The following KHDRBS2 variants were observed in gnomAD, a reference collection of about 807,000 sequenced individuals.
The protein encoded by KHDRBS2 is KH RNA binding domain containing, signal transduction associated 2.
In KHDRBS2, 26 loss-of-function variants were observed where a neutral mutation model predicts 44.3. The ratio of observed to expected loss-of-function variants is 0.59; its 90% CI spans 0.43 to 0.81. The LOEUF (loss-of-function observed/expected upper bound fraction) is 0.81, where lower values mean the gene tolerates loss of function less well. Ranked by LOEUF, KHDRBS2 falls within the 40% of genes least tolerant of loss-of-function variation. The pLI, the probability that KHDRBS2 is intolerant of heterozygous loss-of-function variation, is 0.00. For synonymous variants in KHDRBS2, 194 were observed against 151.1 expected, an observed-to-expected ratio of 1.28 and a Z score of -2.08; for missense variants, 476 against 433.1, an observed-to-expected ratio of 1.10 and a Z score of -0.88.
At chr6:61,830,738 C>A (rs937670788) in intron 6 of KHDRBS2, among the ~76,000 whole-genome samples, 6 of 152,178 alleles carry the variant, frequency 3.9e-5, no homozygotes, top group African/African-American at 1.4e-4. Flanking sequence ...ACCATTCTAC[C>A]TTTGAGCCAA....
At chr6:61,562,040 C>A in the KHDRBS2 span, among the ~76,000 whole-genome samples, 5 of 152,264 alleles carry the variant, frequency 3.3e-5, no homozygotes, top group Admixed American at 6.5e-5. Context: ...GTTTAACCAA[C>A]TCTAGGAAAA....
At chr6:61,671,978 T>C in the KHDRBS2 span, among the ~76,000 whole-genome samples, 2 of 151,994 alleles carry the variant, frequency 1.3e-5, no homozygotes, top group East Asian at 3.9e-4. Flanking sequence ...GTATATCTCC[T>C]AATGCTATCC....
chr6:62,007,663 C>T (rs538751539), intron 3 of KHDRBS2, among the ~76,000 whole-genome samples: 117 of 148,916 alleles, frequency 7.9e-4, no homozygotes, highest in Non-Finnish European at 1.5e-3. Flanking sequence ...ATATACCACA[C>T]ATATGCCTCT....
At chr6:62,017,104 C>A (rs1781354239) in intron 3 of KHDRBS2, among the ~76,000 whole-genome samples, 1 of 151,842 alleles carries the variant, frequency 6.6e-6, no homozygotes, top group African/African-American at 2.4e-5. Flanking sequence ...ATGAACCAAA[C>A]AAACACAAAA....
chr6:61,935,568 A>G (rs964594938), intron 4 of KHDRBS2, among the ~76,000 whole-genome samples: 3 of 152,168 alleles, frequency 2.0e-5, no homozygotes, highest in Admixed American at 6.5e-5. Flanking sequence ...CTGAGGTTTT[A>G]CAATACTATC....
chr6:61,547,387 T>C, the KHDRBS2 span, among the ~76,000 whole-genome samples: 1 of 152,158 alleles, frequency 6.6e-6, no homozygotes, highest in African/African-American at 2.4e-5. Flanking sequence ...CCTCATTATC[T>C]TCCTTCAATA....
chr6:61,806,380 T>A (rs1446592108), intron 6 of KHDRBS2, among the ~76,000 whole-genome samples: 1 of 152,068 alleles, frequency 6.6e-6, no homozygotes, highest in African/African-American at 2.4e-5. Flanking sequence ...GTCCTGAGAA[T>A]ACATAAAAAT....
At chr6:62,061,714 T>C (rs1284406673) in intron 2 of KHDRBS2, among the ~76,000 whole-genome samples, 3 of 150,970 alleles carry the variant, frequency 2.0e-5, no homozygotes, top group East Asian at 2.0e-4. Flanking sequence ...AATCTGAACG[T>C]TGGCCTGCCT....
intron 3 of KHDRBS2, among the ~76,000 whole-genome samples, chr6:62,022,685 G>A (rs1329117368): frequency 6.6e-6 from 1 of 151,342 alleles, no homozygotes; most frequent in Non-Finnish European, 1.5e-5. Context: ...TCAGTTTTTA[G>A]TTTCAAACTT....
rs1379084574 is a variant in KHDRBS2, at chr6:61,852,222, A to AAAAT, written c.810+42409_810+42412dup. Among the ~76,000 whole-genome samples the AAAAT allele has an allele frequency of 4.6e-5, 7 of 152,186 alleles. No homozygotes were observed. The East Asian group carries it at 5.8e-4, about 13-fold the overall frequency. On this transcript the variant is annotated intron_variant, in intron 6 of 8. Coordinates refer to ENST00000281156, the MANE Select transcript of KHDRBS2 (RefSeq NM_152688.4). ...GGGCAATGGAACAAAACTCCGTCCA[A>AAAAT]AAATAAATAAATAAATAAAATAAAA...
chr6:62,267,762 T>C (rs1278588095), intron 1 of KHDRBS2, among the ~76,000 whole-genome samples: 2 of 152,060 alleles, frequency 1.3e-5, no homozygotes, highest in Non-Finnish European at 2.9e-5. Context: ...CTGCAAAAAT[T>C]TGATAAAAGT....
intron 1 of KHDRBS2, among the ~76,000 whole-genome samples, chr6:62,212,739 T>C (rs141683016): frequency 1.1e-4 from 17 of 152,270 alleles, no homozygotes; most frequent in Non-Finnish European, 2.2e-4. Context: ...CCTAGTGCCT[T>C]CAGAGAGAGC....
intron 1 of KHDRBS2, among the ~76,000 whole-genome samples, chr6:62,250,896 A>G (rs1011306874): frequency 5.9e-5 from 9 of 152,020 alleles, no homozygotes; most frequent in Non-Finnish European, 1.0e-4. Flanking sequence ...TGTTTTAGAT[A>G]AAGGAGGCTA....
chr6:62,164,472 G>A (rs1327651021), intron 2 of KHDRBS2, among the ~76,000 whole-genome samples: 1 of 151,654 alleles, frequency 6.6e-6, no homozygotes, highest in East Asian at 1.9e-4. Context: ...TTATCATTAG[G>A]AAAGTAACAT....
chr6:61,642,725 C>T, the KHDRBS2 span, among the ~76,000 whole-genome samples: 1 of 151,706 alleles, frequency 6.6e-6, no homozygotes, highest in African/African-American at 2.4e-5. Flanking sequence ...TTCCACAAAG[C>T]AGGCATGTCA....
At chr6:62,168,316 G>A (rs918218100) in intron 2 of KHDRBS2, among the ~76,000 whole-genome samples, 2 of 152,100 alleles carry the variant, frequency 1.3e-5, no homozygotes, top group African/African-American at 4.8e-5. Flanking sequence ...AAATTTAATT[G>A]AAGAAAAGGT....
At chr6:61,658,753 C>T in the KHDRBS2 span, among the ~76,000 whole-genome samples, 1 of 151,880 alleles carries the variant, frequency 6.6e-6, no homozygotes. Flanking sequence ...TAAAATAGTA[C>T]ACAATCCACA....
At chr6:61,868,926 G>T (rs538987633) in intron 6 of KHDRBS2, among the ~76,000 whole-genome samples, 11 of 152,316 alleles carry the variant, frequency 7.2e-5, no homozygotes, top group Non-Finnish European at 1.5e-4. Context: ...CTGCTCTGCT[G>T]AGACTCCACA....
At chr6:61,896,387 T>A (rs1387761122) in intron 5 of KHDRBS2, among the ~76,000 whole-genome samples, 1 of 151,332 alleles carries the variant, frequency 6.6e-6, no homozygotes, top group African/African-American at 2.4e-5. Flanking sequence ...AAGATAGATA[T>A]TTTTTTTTCT....
Sources: gnomAD v4.1 joint callset for allele counts (sites outside exome capture counted in the v4.1 genomes callset) on GRCh38, gnomAD v4.1.1 for gene constraint, MANE v1.5 for transcripts, NCBI Gene and HGNC (gene_info 2026-07-23, HGNC 2026-07-21) for gene names.